Variants in TCF4 observed in about 807,000 individuals in gnomAD.
TCF4 encodes transcription factor 4.
Under a neutral mutation model 82.1 loss-of-function variants are expected in TCF4, and 3 were observed. The ratio of observed to expected loss-of-function variants is 0.04; its 90% CI spans 0.02 to 0.09. The LOEUF is 0.09. TCF4 is among the 10% of genes least tolerant of loss of function. The probability of loss-of-function intolerance (pLI) is 1.00; values close to 1 mark genes in which losing one functional copy is unlikely to be tolerated. For missense variants in TCF4, 518 were observed against 852.7 expected, an observed-to-expected ratio of 0.61 and a Z score of 4.89; for synonymous variants, 276 against 309.6, an observed-to-expected ratio of 0.89 and a Z score of 1.14.
At chr18:55,246,458 T>C (rs1439977553) in intron 15 of TCF4, among the ~76,000 whole-genome samples, 1 of 152,074 alleles carries the variant, frequency 6.6e-6, no homozygotes, top group Non-Finnish European at 1.5e-5. Context: ...AAATATGTAT[T>C]CATGTGGAGA....
At chr18:55,370,424 AGAT>A (rs1454990129) in intron 6 of TCF4, among the ~76,000 whole-genome samples, 1 of 137,702 alleles carries the variant, frequency 7.3e-6, no homozygotes, top group African/African-American at 2.7e-5. Flanking sequence ...ATAGATAGAC[AGAT>A]GATAGATAGA....
chr18:55,279,713 C>T, intron 8 of TCF4, 57 bp from the exon 9 acceptor site: 1 of 1,609,970 alleles, frequency 6.2e-7, no homozygotes, highest in Non-Finnish European at 8.5e-7. Flanking sequence ...GCAGCCCAAG[C>T]TCCATTCTTA....
intron 3 of TCF4, among the ~76,000 whole-genome samples, chr18:55,527,631 A>G (rs1033410525): frequency 1.2e-4 from 19 of 152,194 alleles, no homozygotes; most frequent in Non-Finnish European, 2.4e-4. Context: ...ATTAAAAAGC[A>G]TAACACCACG....
intron 11 of TCF4, 64 bp downstream of exon 11, chr18:55,269,766 AG>A: frequency 6.2e-7 from 1 of 1,602,974 alleles, no homozygotes; most frequent in East Asian, 2.2e-5. Flanking sequence ...AGGGAAAAAG[AG>A]GTCCTTGATG....
chr18:55,367,251 T>A (rs962063700), intron 6 of TCF4, among the ~76,000 whole-genome samples: 1 of 152,180 alleles, frequency 6.6e-6, no homozygotes, highest in African/African-American at 2.4e-5. Flanking sequence ...TGTATGCGAG[T>A]GTGTGTATGT....
chr18:55,596,882 T>A, intron 2 of TCF4, among the ~76,000 whole-genome samples: 1 of 152,184 alleles, frequency 6.6e-6, no homozygotes, highest in East Asian at 1.9e-4. Flanking sequence ...ATGGTTTGTC[T>A]CTGTGTCCCC....
intron 1 of TCF4, 63 bp downstream of exon 1, chr18:55,587,974 GA>G: frequency 1.0e-6 from 1 of 969,344 alleles, no homozygotes. Flanking sequence ...CGGGGCCGCC[GA>G]GCCCGAACCC....
At chr18:55,564,849 T>C (rs2097388832) in intron 3 of TCF4, among the ~76,000 whole-genome samples, 1 of 152,208 alleles carries the variant, frequency 6.6e-6, no homozygotes, top group African/African-American at 2.4e-5. Context: ...GCAAGTGTTA[T>C]GTTAATGAAT....
intron 5 of TCF4, among the ~76,000 whole-genome samples, chr18:55,439,087 T>A (rs2095388318): frequency 1.3e-5 from 2 of 151,104 alleles, no homozygotes; most frequent in Admixed American, 6.6e-5. Flanking sequence ...AGGCAGGGGG[T>A]GGGAAAATGA....
chr18:55,616,633 C>CT (rs1033136071), intron 2 of TCF4, among the ~76,000 whole-genome samples: 2 of 151,968 alleles, frequency 1.3e-5, no homozygotes, highest in African/African-American at 4.8e-5. Flanking sequence ...TTTATCTTTT[C>CT]TTTTTTTAAT....
At chr18:55,302,375 C>A in intron 8 of TCF4, 1 of 1,523,938 alleles carries the variant, frequency 6.6e-7, no homozygotes, top group Non-Finnish European at 8.8e-7. Context: ...TCAAGTCAGG[C>A]AGGCTCAGGA....
At chr18:55,444,807 G>T (rs1049472759) in intron 5 of TCF4, among the ~76,000 whole-genome samples, 2 of 152,024 alleles carry the variant, frequency 1.3e-5, no homozygotes, top group Non-Finnish European at 2.9e-5. Context: ...TTCCAAAACT[G>T]AACTGACCAC....
chr18:55,525,265 A>G (rs930504305), intron 3 of TCF4, among the ~76,000 whole-genome samples: 4 of 152,006 alleles, frequency 2.6e-5, no homozygotes, highest in Non-Finnish European at 5.9e-5. Context: ...ATTACATGAC[A>G]TCGCTTCTTC....
chr18:55,284,141 G>A (rs1215380657), intron 8 of TCF4: 2 of 152,084 alleles, frequency 1.3e-5, no homozygotes, highest in African/African-American at 4.8e-5. Context: ...GGCCAGGAAC[G>A]GTGGCTCATG....
At chr18:55,581,574 A>T (rs1396316360) in intron 3 of TCF4, among the ~76,000 whole-genome samples, 2 of 152,018 alleles carry the variant, frequency 1.3e-5, no homozygotes, top group Non-Finnish European at 2.9e-5. Flanking sequence ...CTCCTCAACA[A>T]ATATCTTTAA....
chr18:55,331,977 C>G (rs1188434740), intron 8 of TCF4: 1 of 152,174 alleles, frequency 6.6e-6, no homozygotes, highest in Non-Finnish European at 1.5e-5. Flanking sequence ...ATGCCAACAA[C>G]ATGCTAAAGG....
chr18:55,328,428 T>C (rs953439531), intron 8 of TCF4, among the ~76,000 whole-genome samples: 1 of 151,384 alleles, frequency 6.6e-6, no homozygotes, highest in Non-Finnish European at 1.5e-5. Flanking sequence ...GTGTAATCCA[T>C]AGCCAGTCTC....
intron 6 of TCF4, among the ~76,000 whole-genome samples, chr18:55,379,105 T>C (rs1364863479): frequency 6.6e-6 from 1 of 152,242 alleles, no homozygotes; most frequent in Non-Finnish European, 1.5e-5. Flanking sequence ...AGAACATATT[T>C]AATCTAATTG....
intron 3 of TCF4, among the ~76,000 whole-genome samples, chr18:55,522,758 T>C (rs1216003304): frequency 6.6e-6 from 1 of 152,138 alleles, no homozygotes; most frequent in Non-Finnish European, 1.5e-5. Context: ...GAATCGCTTA[T>C]GCATGAGAAA....
Sources: allele counts gnomAD v4.1 joint callset (sites outside exome capture counted in the v4.1 genomes callset), GRCh38; gene constraint gnomAD v4.1.1; transcripts MANE v1.5; gene names NCBI Gene and HGNC (gene_info 2026-07-23, HGNC 2026-07-21).